ACACB: variants seen among roughly 807,000 people sequenced by gnomAD.
The protein encoded by ACACB is acetyl-CoA carboxylase beta, also known as acetyl-CoA carboxylase 2.
A neutral mutation model predicts 278.8 loss-of-function variants in ACACB; 209 were observed. The observed-to-expected ratio is 0.75, with a 90% CI of 0.67 to 0.84. The LOEUF is 0.84. ACACB is among the 40% of genes least tolerant of loss of function. ACACB has a pLI of 0.00. For missense variants in ACACB, 2,850 were observed against 3,269.0 expected (o/e 0.87, Z 3.13); for synonymous variants, 1,174 against 1,285.6 (o/e 0.91, Z 1.86).
At chr12:109,127,489 C>G (rs1654872) in intron 1 of ACACB, among the ~76,000 whole-genome samples, 12,586 of 151,464 alleles carry the variant, frequency 0.083, 839 homozygotes, top group African/African-American at 0.18. Context: ...GTCCCAGCTA[C>G]TCTGGAGGCT....
chr12:109,237,175 A>T lies in ACACB; in HGVS notation c.4457A>T (p.Asp1486Val). ...CTGGTCCGCCTACAGTTTGCAGAAG[A>T]TCGCATTTACCGTCACTTGGAACCT... ...TFRARDEFAE[D>V]RIYRHLEPAL... is the part of the protein sequence containing the mutation. The change falls in exon 34 of 53, where the codon GAT (aspartate) becomes GTT (valine). Residue 1486 changes from aspartate (D) to valine (V), a missense_variant. By Grantham distance (152) the Asp-to-Val change is radical (BLOSUM62 -3). Coordinates refer to ENST00000338432, the MANE Select transcript of ACACB (RefSeq NM_001093.4). 6.2e-7 allele frequency: 1 copy of T among 1,614,112 alleles called. No homozygotes were observed. The highest frequency in any genetic ancestry group is 1.1e-5 in the South Asian group (1 of 91,082).
chr12:109,135,808 CTTTTT>C (rs59597788), intron 1 of ACACB, among the ~76,000 whole-genome samples: 2 of 117,270 alleles, frequency 1.7e-5, no homozygotes, highest in Non-Finnish European at 1.8e-5. Flanking sequence ...AGAGGTAATA[CTTTTT>C]TTTTTTTTTT....
intron 2 of ACACB, among the ~76,000 whole-genome samples, chr12:109,155,216 C>T (rs1335665518): frequency 1.3e-5 from 2 of 152,204 alleles, no homozygotes; most frequent in Admixed American, 1.3e-4. Context: ...AAGATCAGCC[C>T]TTGCGCAGGG....
At chr12:109,141,853 G>A (rs931615203) in intron 2 of ACACB, among the ~76,000 whole-genome samples, 1 of 152,164 alleles carries the variant, frequency 6.6e-6, no homozygotes, top group Non-Finnish European at 1.5e-5. Flanking sequence ...AGCTGGAGTG[G>A]GGTTCAGTCT....
chr12:109,201,577 T>C lies in ACACB; in HGVS notation c.2789T>C (p.Met930Thr). Residue 930 changes from methionine to threonine, a missense_variant, in exon 19 of 53, where the codon ATG (methionine) becomes ACG (threonine). Met to Thr is a moderately conservative substitution (Grantham distance 81). This residue lies in a region of ACACB where 2,265 missense variants were observed against 2,561.3 expected (regional missense o/e 0.88). Coordinates refer to ENST00000338432, the MANE Select transcript of ACACB (RefSeq NM_001093.4). ...SSYAEMEVMK[M>T]IMTLNVQERG... ...CTTTTTACGAAATAGGTGATGAAGA[T>C]GATCATGACCCTGAACGTTCAGGAA... 1 of 1,614,034 alleles carries C rather than the reference T, an allele frequency of 6.2e-7. No individual in the cohort carries two copies. The highest frequency in any genetic ancestry group is 8.5e-7 in the Non-Finnish European group (1 of 1,179,992).
At chr12:109,144,048 C>A (rs1013077451) in intron 2 of ACACB, among the ~76,000 whole-genome samples, 1 of 152,076 alleles carries the variant, frequency 6.6e-6, no homozygotes, top group Non-Finnish European at 1.5e-5. Context: ...TAAGGTGGCT[C>A]ACACCTGTAA....
rs7358773 is a variant in ACACB at position 109,216,481 on chromosome 12, A to G, written c.3351-137A>G. On this transcript the variant is annotated intron_variant, in intron 22 of 52. Transcript: ENST00000338432. ...GTGATCTGCCTGCCTCGGCCTCCCA[A>G]AGTGCTGGGATTACAGGCATGAGCC... The G allele has an allele frequency of 9.8e-3, 7,988 of 817,340 alleles. 466 individuals are homozygous for G. The African/African-American group carries it at 0.12, about 13-fold the overall frequency. 50.6% of individuals were successfully genotyped at this position (817,340 alleles called of 1,614,324 possible).
chr12:109,171,305 C>T (rs886341881), intron 4 of ACACB, among the ~76,000 whole-genome samples: 12 of 151,890 alleles, frequency 7.9e-5, no homozygotes, highest in Non-Finnish European at 4.4e-5. Context: ...AGAAACATAT[C>T]TGTATCACAT....
chr12:109,210,069 A>G lies in ACACB; in HGVS notation c.3249+716A>G, dbSNP rs1449367883. 5.4e-4 allele frequency among the ~76,000 whole-genome samples: 47 copies of G among 87,156 alleles called. 3 individuals carry two copies. In the East Asian group the frequency reaches 0.015, roughly 28 times the overall value. 57.2% of individuals were successfully genotyped at this position (87,156 alleles called of 152,430 possible). A position where few individuals can be genotyped will look rare whatever the true frequency, so the allele number is the denominator to read the frequency against. ...TATATATACACACACGTGTGTATAT[A>G]TGTGTATATATGTATATATACACAC... On this transcript the variant is annotated intron_variant, in intron 21 of 52. Transcript: ENST00000338432.
At chr12:109,170,361 A>G (rs2044070687) in intron 4 of ACACB, among the ~76,000 whole-genome samples, 2 of 152,102 alleles carry the variant, frequency 1.3e-5, no homozygotes, top group African/African-American at 4.8e-5. Flanking sequence ...CACCGCGCCC[A>G]GCCAGCGTGT....
chr12:109,165,903 AT>A (rs1442074298), intron 2 of ACACB, among the ~76,000 whole-genome samples: 2 of 152,212 alleles, frequency 1.3e-5, no homozygotes, highest in Non-Finnish European at 2.9e-5. Context: ...GCTAGAAAAA[AT>A]CAGCATCAGT....
chr12:109,241,481 G>C (rs1257856759), intron 36 of ACACB, among the ~76,000 whole-genome samples, 200 bp downstream of exon 36: 1 of 152,212 alleles, frequency 6.6e-6, no homozygotes, highest in African/African-American at 2.4e-5. Context: ...CTAAAAAGGA[G>C]AGTGAATCTC....
intron 48 of ACACB, among the ~76,000 whole-genome samples, 175 bp from the exon 49 acceptor site, chr12:109,262,182 C>T (rs766581690): frequency 6.6e-6 from 1 of 152,064 alleles, no homozygotes; most frequent in Admixed American, 6.5e-5. Context: ...GATACAGAGG[C>T]CCAGAGAGGG....
In ACACB at chr12:109,265,469, C is replaced by T. The variant is rs771542853; in HGVS notation, c.7194C>T (p.Thr2398=). The change falls in exon 52 of 53, where the codon ACC becomes ACT. Residue 2398 remains threonine, a synonymous_variant. Transcript: ENST00000338432. ...AGGCAGGGGATGGCCCGCGCTCCAC[C>T]ATCCGTGAGAACATCACGTACCTGA... The part of the protein sequence containing the change: ...HWQAGDGPRS[T]IRENITYLKH... The T allele has an allele frequency of 1.2e-6, 2 of 1,613,558 alleles. No individual in the cohort carries two copies. The highest frequency in any genetic ancestry group is 2.2e-5 in the East Asian group (1 of 44,836).
chr12:109,230,882 C>T (rs1458993228), intron 28 of ACACB, among the ~76,000 whole-genome samples: 4 of 152,070 alleles, frequency 2.6e-5, no homozygotes, highest in Admixed American at 6.5e-5. Flanking sequence ...TTTTTTGACC[C>T]AGAGAGACAT....
rs777086074 is a variant in ACACB, at chr12:109,250,026, C to G, written c.5712C>G (p.Gly1904=). 8 of 1,613,422 alleles carry G rather than the reference C, an allele frequency of 5.0e-6. No individual in the cohort carries two copies. Among genetic ancestry groups the G allele is most frequent in the Admixed American group, 1.7e-5 (1 of 59,896 alleles). ...TDIIGKDDGL[G]VENLRGSGMI... ...TCATCGGGAAGGATGATGGCTTGGG[C>G]GTGGAGAATCTGAGGGGCTCAGGCA... Residue 1904 remains glycine (G), a synonymous_variant, in exon 41 of 53, where the codon GGC becomes GGG. Transcript: ENST00000338432.
Position 109,222,888 on chromosome 12 carries a change from C to A in ACACB, c.3768C>A (p.His1256Gln). 6.2e-7 allele frequency: 1 copy of A among 1,612,584 alleles called. No individual in the cohort carries two copies. The highest frequency in any genetic ancestry group is 8.5e-7 in the Non-Finnish European group (1 of 1,179,348). Residue 1256 changes from histidine (H) to glutamine (Q), a missense_variant, in exon 26 of 53, where the codon CAC becomes CAA. Physicochemically the swap from His to Gln is conservative, Grantham distance 24. Transcript: ENST00000338432. ...TGTCTGCCATTGACATGTACGGCCA[C>A]CAGTTCTGCCCCGAGAACCTCAAGG... is the stretch of plus-strand genomic sequence containing the variant. The part of the protein sequence containing the change: ...IFLSAIDMYG[H>Q]QFCPENLKKL...
At chr12:109,258,506 T>C (rs548671071) in intron 46 of ACACB, 142 bp downstream of exon 46, 2 of 629,460 alleles carry the variant, frequency 3.2e-6, no homozygotes, top group African/African-American at 1.8e-5. Flanking sequence ...CCTGGGGGGC[T>C]CAGTGCCTGT....
chr12:109,140,184 C>T (rs2043067813), intron 2 of ACACB, 126 bp downstream of exon 2: 2 of 946,120 alleles, frequency 2.1e-6, no homozygotes, highest in South Asian at 5.6e-5. Flanking sequence ...TGGCTATGCA[C>T]AAAAGGAGAA....
Sources: gnomAD v4.1 joint callset for allele counts (sites outside exome capture counted in the v4.1 genomes callset) on GRCh38, gnomAD v4.1.1 for gene constraint, gnomAD v4.1.1 regional missense constraint, MANE v1.5 for transcripts, NCBI Gene and HGNC (gene_info 2026-07-23, HGNC 2026-07-21) for gene names.